TMPRSS11B: variants seen among roughly 807,000 people sequenced by gnomAD.
The protein encoded by TMPRSS11B is transmembrane protease serine 11B.
A neutral mutation model predicts 44.7 loss-of-function variants in TMPRSS11B; 53 were observed. The ratio of observed to expected loss-of-function variants is 1.19; its 90% CI spans 0.95 to 1.49. The LOEUF (loss-of-function observed/expected upper bound fraction) is 1.49, where lower values mean the gene tolerates loss of function less well. Among genes scored for constraint, TMPRSS11B ranks in the 40% most tolerant of loss-of-function variants. TMPRSS11B has a pLI of 0.00. For synonymous variants in TMPRSS11B, 140 were observed against 159.2 expected (o/e 0.88, Z 0.91); for missense variants, 526 against 494.8 (o/e 1.06, Z -0.60).
intron 5 of TMPRSS11B, 108 bp downstream of exon 5, chr4:68,234,355 A>AT (rs1182222385): frequency 1.3e-5 from 16 of 1,203,650 alleles, no homozygotes; most frequent in Non-Finnish European, 1.8e-5. Context: ...AGGTACGCAT[A>AT]TTTTTTTCCC....
intron 5 of TMPRSS11B, 97 bp downstream of exon 5, chr4:68,234,366 G>A (rs1016267880): frequency 3.3e-5 from 44 of 1,345,250 alleles, no homozygotes; most frequent in Admixed American, 4.6e-5. Flanking sequence ...TTTTTTTCCC[G>A]AATTACTAAA....
chr4:68,243,758 A>C (rs750587929), intron 1 of TMPRSS11B, among the ~76,000 whole-genome samples: 1 of 152,190 alleles, frequency 6.6e-6, no homozygotes, highest in South Asian at 2.1e-4. Flanking sequence ...GCTTTCTGAG[A>C]CATGCATATT....
At chr4:68,242,387 A>AT in intron 1 of TMPRSS11B, among the ~76,000 whole-genome samples, 2 of 96,914 alleles carry the variant, frequency 2.1e-5, no homozygotes, top group Admixed American at 1.7e-4. Context: ...TATATATAAT[A>AT]TATAATATAT....
intron 2 of TMPRSS11B, 39 bp from the exon 3 acceptor site, chr4:68,236,305 A>G (rs1205734307): frequency 7.4e-7 from 1 of 1,355,166 alleles, no homozygotes; most frequent in African/African-American, 1.5e-5. Context: ...AGAATTTTAA[A>G]GTGGAAAGTG....
rs773326186 is a variant in TMPRSS11B, at chr4:68,229,339, C to T, written c.864G>A (p.Lys288=). ...TCATTTTGGCTTCAGGAAGACAAATCTTACGAATGTACTCTGTAAAAGAAA... is the reference window on the plus strand; with the variant it reads ...TCATTTTGGCTTCAGGAAGACAAATTTTACGAATGTACTCTGTAAAAGAAA... ...EEVSFTEYIR[K]ICLPEAKMKL... is the part of the protein sequence containing the mutation. Residue 288 remains lysine, a synonymous_variant, in exon 8 of 10, where the codon AAG becomes AAA. Coordinates refer to ENST00000332644, the MANE Select transcript of TMPRSS11B (RefSeq NM_182502.3). 20 of 1,613,844 alleles carry T rather than the reference C, an allele frequency of 1.2e-5. No homozygotes were observed. The highest frequency in any genetic ancestry group is 1.7e-5 in the Non-Finnish European group (20 of 1,179,932).
At position 68,227,903 on chromosome 4, in the gene TMPRSS11B, C is replaced by T. The variant is rs780958048; in HGVS notation, c.*8G>A. The T allele has an allele frequency of 3.8e-6, 6 of 1,594,860 alleles. No individual in the cohort carries two copies. The Admixed American group carries it at 8.9e-5, about 24-fold the overall frequency. The stretch of plus-strand genomic sequence containing the variant: ...GTCTTTATGTTCCTTTGTATAATTC[C>T]TTTTTTTTCAGAGTCCAGTCTTGGA... On this transcript the variant is annotated 3_prime_UTR_variant, in exon 10 of 10. Coordinates refer to ENST00000332644, the MANE Select transcript of TMPRSS11B (RefSeq NM_182502.3).
intron 9 of TMPRSS11B, 98 bp from the exon 10 acceptor site, chr4:68,228,170 A>G (rs945293727): frequency 1.7e-5 from 19 of 1,114,452 alleles, no homozygotes; most frequent in Non-Finnish European, 2.1e-5. Flanking sequence ...ACTGAAACCA[A>G]TTCACTCTCT....
At chr4:68,236,620 C>G (rs1481214773) in intron 2 of TMPRSS11B, among the ~76,000 whole-genome samples, 1 of 152,160 alleles carries the variant, frequency 6.6e-6, no homozygotes, top group Non-Finnish European at 1.5e-5. Flanking sequence ...ACATTACTGT[C>G]CTGCTAAGTC....
intron 6 of TMPRSS11B, chr4:68,232,037 T>C (rs1470368254): frequency 6.1e-6 from 1 of 162,988 alleles, no homozygotes; most frequent in East Asian, 1.7e-4. Flanking sequence ...TTAATAAATA[T>C]ATTTTATATA....
In TMPRSS11B at chr4:68,236,151, C is replaced by T; in HGVS notation, c.240G>A (p.Lys80=). 13 of 1,600,362 alleles carry T rather than the reference C, an allele frequency of 8.1e-6. No homozygotes were observed. Among genetic ancestry groups the T allele is most frequent in the Non-Finnish European group, 1.1e-5 (13 of 1,172,862 alleles). Residue 80 remains lysine, a splice_region_variant and synonymous_variant, in exon 3 of 10, where the codon AAG becomes AAA. Coordinates refer to ENST00000332644, the MANE Select transcript of TMPRSS11B (RefSeq NM_182502.3). Reference sequence around the variant, plus strand: ...TTAATTTTAAAAATCTCTGATTTACCTTAGTCTCAATATCTTTGCTTAGAT... The same window carrying T: ...TTAATTTTAAAAATCTCTGATTTACTTTAGTCTCAATATCTTTGCTTAGAT... The part of the protein sequence containing the change: ...STNLSKDIET[K]MLNAFQNSSI...
chr4:68,235,779 A>G (rs1719642068), intron 4 of TMPRSS11B, among the ~76,000 whole-genome samples: 1 of 152,180 alleles, frequency 6.6e-6, no homozygotes, highest in Non-Finnish European at 1.5e-5. Flanking sequence ...TCTTGCCCAG[A>G]ACAGAAATTT....
In TMPRSS11B at chr4:68,242,271, AATATT is replaced by A. The variant is rs1341278748; in HGVS notation, c.9-472_9-468del. 5.5e-3 allele frequency among the ~76,000 whole-genome samples: 409 copies of A among 73,926 alleles called. 15 individuals carry two copies. Among genetic ancestry groups the A allele is most frequent in the African/African-American group, 0.025 (346 of 13,900 alleles). 48.5% of individuals were successfully genotyped at this position (73,926 alleles called of 152,430 possible). On this transcript the variant is annotated intron_variant, in intron 1 of 9. Transcript: ENST00000332644. ...ATATATATTATAATATATATAATAT[AATATT>A]ATATATATTATATTATACATAATAT...
At chr4:68,244,665 T>G (rs944213826) in intron 1 of TMPRSS11B, among the ~76,000 whole-genome samples, 2 of 152,240 alleles carry the variant, frequency 1.3e-5, no homozygotes, top group African/African-American at 2.4e-5. Flanking sequence ...AGTACATTAC[T>G]TACAATTTTA....
Position 68,229,475 on chromosome 4 carries a change from A to G in TMPRSS11B, c.728T>C (p.Val243Ala), listed in dbSNP as rs767117359. 2 of 1,613,354 alleles carry G rather than the reference A, an allele frequency of 1.2e-6. No individual in the cohort carries two copies. ...SKDWTVNFGI[V>A]VNKPYMTRKV... ...CCGTGTCATATATGGTTTATTTACT[A>G]CAATTCCAAAGTTGACAGTCCAATC... The change falls in exon 8 of 10, where the codon GTA becomes GCA. Residue 243 changes from valine to alanine, a missense_variant. Coordinates refer to ENST00000332644, the MANE Select transcript of TMPRSS11B (RefSeq NM_182502.3).
chr4:68,242,217 ATAT>A (rs1719848277), intron 1 of TMPRSS11B, among the ~76,000 whole-genome samples: 1 of 5,528 alleles, frequency 1.8e-4, no homozygotes, highest in Non-Finnish European at 5.4e-4. Context: ...AATATATATA[ATAT>A]TATATTATAT....
intron 2 of TMPRSS11B, 78 bp downstream of exon 2, chr4:68,241,611 G>A (rs1719822920): frequency 4.7e-6 from 4 of 849,562 alleles, no homozygotes; most frequent in Admixed American, 2.5e-5. Context: ...GAAATTTAAT[G>A]TTCATGTTGT....
chr4:68,243,031 A>T (rs1003790883), intron 1 of TMPRSS11B, among the ~76,000 whole-genome samples: 1 of 152,202 alleles, frequency 6.6e-6, no homozygotes, highest in Non-Finnish European at 1.5e-5. Flanking sequence ...TTACAGTTAC[A>T]TTGTATGGCC....
chr4:68,243,965 C>G (rs1220661000), intron 1 of TMPRSS11B, among the ~76,000 whole-genome samples: 1 of 152,086 alleles, frequency 6.6e-6, no homozygotes, highest in African/African-American at 2.4e-5. Flanking sequence ...ATGGCTTTCT[C>G]TTGTCAAAAA....
rs1719830485 is a variant in TMPRSS11B, at chr4:68,241,796, A to C, written c.17T>G (p.Ile6Arg). 1.1e-5 allele frequency: 18 copies of C among 1,611,846 alleles called. No homozygotes were observed. Among genetic ancestry groups the C allele is most frequent in the Non-Finnish European group, 1.5e-5 (18 of 1,178,266 alleles). Reference sequence around the variant, plus strand: ...TAGTGGCCAAGATCTTTGGGAAGATATGCCGTGCCTATGAAAGAGGAAAAT... The same window carrying C: ...TAGTGGCCAAGATCTTTGGGAAGATCTGCCGTGCCTATGAAAGAGGAAAAT... The part of the protein sequence containing the change: MYRHG[I>R]SSQRSWPLWT... Residue 6 changes from isoleucine (I) to arginine (R), a missense_variant, in exon 2 of 10, where the codon ATA becomes AGA. Transcript: ENST00000332644.
Sources: allele counts gnomAD v4.1 joint callset (sites outside exome capture counted in the v4.1 genomes callset), GRCh38; gene constraint gnomAD v4.1.1; transcripts MANE v1.5; gene names NCBI Gene and HGNC (gene_info 2026-07-23, HGNC 2026-07-21).